Variants in TBC1D21 observed in about 807,000 individuals in gnomAD.
TBC1D21 encodes the protein TBC1 domain family member 21.
A neutral mutation model predicts 46.0 loss-of-function variants in TBC1D21; 38 were observed. The observed-to-expected ratio is 0.83, with a 90% confidence interval of 0.64 to 1.08. The LOEUF (loss-of-function observed/expected upper bound fraction) is 1.08, where lower values mean the gene tolerates loss of function less well. Ranked by LOEUF, TBC1D21 falls within the 50% of genes least tolerant of loss-of-function variation. TBC1D21 has a pLI of 0.00. For missense variants in TBC1D21, 415 were observed against 417.9 expected (o/e 0.99, Z 0.06); for synonymous variants, 151 against 157.2 (o/e 0.96, Z 0.29).
intron 1 of TBC1D21, among the ~76,000 whole-genome samples, chr15:73,878,715 G>A (rs554496035): frequency 6.6e-6 from 1 of 152,146 alleles, no homozygotes; most frequent in Admixed American, 6.5e-5. Flanking sequence ...ATTCAATACA[G>A]TCTCCACCAA....
Position 73,876,211 on chromosome 15 carries a change from T to TG in TBC1D21, c.60+2442_60+2443insG, listed in dbSNP as rs2068060088. The stretch of plus-strand genomic sequence containing the variant: ...ACTTTTTTTGTGGGTTTTTTTTTTT[T>TG]TTTTTTTTTTTTTTTTTTTTTTTTT... On this transcript the variant is annotated intron_variant, in intron 1 of 10. Coordinates refer to ENST00000300504, the MANE Select transcript of TBC1D21 (RefSeq NM_153356.3). Among the ~76,000 whole-genome samples the TG allele has an allele frequency of 1.6e-4, 5 of 30,658 alleles. 1 individual carries two copies. Among genetic ancestry groups the TG allele is most frequent in the Non-Finnish European group, 1.6e-4 (3 of 18,384 alleles). 20.1% of individuals were successfully genotyped at this position (30,658 alleles called of 152,430 possible). A position where few individuals can be genotyped will look rare whatever the true frequency, so the allele number is the denominator to read the frequency against.
At chr15:73,873,865 T>C (rs2068011868) in intron 1 of TBC1D21, 96 bp downstream of exon 1, 1 of 1,404,320 alleles carries the variant, frequency 7.1e-7, no homozygotes, top group African/African-American at 1.4e-5. Context: ...GCTAGAACCC[T>C]GAGCTAACAT....
At chr15:73,885,944 C>A in intron 6 of TBC1D21, 134 bp from the exon 7 acceptor site, 2 of 676,858 alleles carry the variant, frequency 3.0e-6, no homozygotes, top group Non-Finnish European at 5.3e-6. Context: ...CACACTCAGA[C>A]TCATAGAGAC....
chr15:73,882,138 G>A (rs1458600961), intron 3 of TBC1D21, among the ~76,000 whole-genome samples: 1 of 152,050 alleles, frequency 6.6e-6, no homozygotes, highest in African/African-American at 2.4e-5. Flanking sequence ...TGCCTCCCGG[G>A]TCTAGTCTCC....
chr15:73,892,626 G>A (rs1216495982), downstream of TBC1D21, among the ~76,000 whole-genome samples: 3 of 152,234 alleles, frequency 2.0e-5, no homozygotes, highest in Admixed American at 6.5e-5. Context: ...ATGCTTGGCT[G>A]TCTGTGTGCA....
At chr15:73,887,787 A>C in intron 9 of TBC1D21, 51 bp downstream of exon 9, 1 of 1,442,644 alleles carries the variant, frequency 6.9e-7, no homozygotes, top group Non-Finnish European at 9.7e-7. Context: ...AGGCCCTGAC[A>C]CCCCACCCCA....
intron 1 of TBC1D21, among the ~76,000 whole-genome samples, chr15:73,875,942 C>A (rs2068051525): frequency 6.6e-6 from 1 of 152,148 alleles, no homozygotes; most frequent in South Asian, 2.1e-4. Context: ...TTAAAGGAGC[C>A]CAGATACACA....
At chr15:73,873,906 C>A in intron 1 of TBC1D21, 137 bp downstream of exon 1, 1 of 952,664 alleles carries the variant, frequency 1.0e-6, no homozygotes, top group Non-Finnish European at 1.6e-6. Context: ...TTGTACCTTA[C>A]TCTTACCATC....
the TBC1D21 span, among the ~76,000 whole-genome samples, chr15:73,907,323 CA>C: frequency 6.6e-6 from 1 of 152,194 alleles, no homozygotes. Flanking sequence ...CCTGATACTT[CA>C]CCGGGCTGCT....
intron 1 of TBC1D21, among the ~76,000 whole-genome samples, chr15:73,874,538 C>T (rs148257940): frequency 0.015 from 2,360 of 152,326 alleles, 50 homozygotes; most frequent in African/African-American, 0.054. Flanking sequence ...TAAATGAGAA[C>T]ATGGAGCCAC....
Position 73,884,236 on chromosome 15 carries a change from A to C in TBC1D21, c.358A>C (p.Asn120His). Residue 120 changes from asparagine to histidine, a missense_variant, in exon 4 of 11, where the codon AAT becomes CAT. By Grantham distance (68) the Asn-to-His change is moderately conservative (BLOSUM62 1). Coordinates refer to ENST00000300504, the MANE Select transcript of TBC1D21 (RefSeq NM_153356.3). Reference protein sequence around the residue: ...NLHRNFTETRNNIARDIQKIY... With the variant: ...NLHRNFTETRHNIARDIQKIY... Reference sequence around the variant, plus strand: ...GCACCGGAACTTCACAGAGACTCGCAATAACATTGGTGAGCAAAGTGGGGT... The same window carrying C: ...GCACCGGAACTTCACAGAGACTCGCCATAACATTGGTGAGCAAAGTGGGGT... The C allele has an allele frequency of 1.2e-6, 2 of 1,614,202 alleles. No individual in the cohort carries two copies. Among genetic ancestry groups the C allele is most frequent in the Non-Finnish European group, 1.7e-6 (2 of 1,180,016 alleles).
intron 1 of TBC1D21, among the ~76,000 whole-genome samples, chr15:73,876,812 G>A (rs1375288241): frequency 2.0e-5 from 3 of 151,964 alleles, no homozygotes; most frequent in Non-Finnish European, 4.4e-5. Context: ...TCATTGTAGG[G>A]CATTTGATTT....
At chr15:73,886,467 A>G (rs2068247905) in intron 7 of TBC1D21, 45 bp from the exon 8 acceptor site, 1 of 1,558,900 alleles carries the variant, frequency 6.4e-7, no homozygotes, top group Non-Finnish European at 8.8e-7. Flanking sequence ...TTGCTGCATC[A>G]TATGTGTTTT....
chr15:73,889,228 A>T, downstream of TBC1D21: 1 of 1,173,976 alleles, frequency 8.5e-7, no homozygotes, highest in South Asian at 1.3e-5. Context: ...TTTGTGGTGG[A>T]TGCTATGTCT....
Position 73,886,562 on chromosome 15 carries a change from T to C in TBC1D21, c.727T>C (p.Cys243Arg). ...VQSLFPWFCF[C>R]FQRAFKSFDD... ...GTCCCTCTTCCCCTGGTTCTGCTTC[T>C]GCTTCCAGCGTGCCTTCAAGTCCTT... Residue 243 changes from cysteine to arginine, a missense_variant, in exon 8 of 11, where the codon TGC (cysteine) becomes CGC (arginine). Transcript: ENST00000300504. The C allele has an allele frequency of 6.2e-7, 1 of 1,613,770 alleles. No homozygotes were observed. Among genetic ancestry groups the C allele is most frequent in the Non-Finnish European group, 8.5e-7 (1 of 1,180,034 alleles).
At chr15:73,885,989 C>A (rs531139986) in intron 6 of TBC1D21, 89 bp from the exon 7 acceptor site, 1 of 1,080,694 alleles carries the variant, frequency 9.3e-7, no homozygotes, top group Admixed American at 1.8e-5. Flanking sequence ...CACAGAGCCT[C>A]CAGAAGTGAA....
Position 73,886,520 on chromosome 15 carries a change from G to T in TBC1D21, c.685G>T (p.Gly229Cys), listed in dbSNP as rs754519110. ...PVFAEHLKGK[G>C]AGAVQSLFPW... is the part of the protein sequence containing the mutation. ...ACCTTCTCTCCCCACAGAAGGGAAG[G>T]GTGCAGGGGCTGTGCAGTCCCTCTT... is the stretch of plus-strand genomic sequence containing the variant. The change falls in exon 8 of 11, where the codon GGT (glycine) becomes TGT (cysteine). Residue 229 changes from glycine to cysteine, a missense_variant. Transcript: ENST00000300504. 1.9e-6 allele frequency: 3 copies of T among 1,613,700 alleles called. No homozygotes were observed. The highest frequency in any genetic ancestry group is 2.2e-5 in the South Asian group (2 of 91,054).
At chr15:73,897,570 C>A in the TBC1D21 span, among the ~76,000 whole-genome samples, 4 of 152,214 alleles carry the variant, frequency 2.6e-5, no homozygotes, top group African/African-American at 9.7e-5. Context: ...CGTGTGCCAG[C>A]CTACAGAGGG....
At chr15:73,887,822 T>C in intron 9 of TBC1D21, 86 bp downstream of exon 9, 1 of 1,145,572 alleles carries the variant, frequency 8.7e-7, no homozygotes, top group Non-Finnish European at 1.3e-6. Context: ...CCGGGGTTCA[T>C]GGGGTGCTGG....
Sources: gnomAD v4.1 joint callset for allele counts (sites outside exome capture counted in the v4.1 genomes callset) on GRCh38, gnomAD v4.1.1 for gene constraint, MANE v1.5 for transcripts, NCBI Gene and HGNC (gene_info 2026-07-23, HGNC 2026-07-21) for gene names.